Variants in CACNB2 observed in about 807,000 individuals in gnomAD.
CACNB2 encodes the protein voltage-dependent L-type calcium channel subunit beta-2.
CACNB2 carries 42 observed loss-of-function variants against 73.3 expected under a neutral mutation model. That is an observed-to-expected ratio of 0.57 (90% CI 0.45 to 0.74). The LOEUF (loss-of-function observed/expected upper bound fraction) is 0.74. Among genes scored for constraint, CACNB2 ranks in the 30% least tolerant of loss-of-function variants. The pLI, the probability that CACNB2 is intolerant of heterozygous loss-of-function variation, is 0.00. For synonymous variants in CACNB2, 348 were observed against 310.3 expected, an observed-to-expected ratio of 1.12 and a Z score of -1.28; for missense variants, 940 against 853.0, an observed-to-expected ratio of 1.10 and a Z score of -1.27.
intron 2 of CACNB2, among the ~76,000 whole-genome samples, chr10:18,270,981 C>T (rs1016054914): frequency 3.3e-5 from 5 of 152,038 alleles, no homozygotes; most frequent in South Asian, 2.1e-4. Context: ...TATAATATGT[C>T]GTTTTGGGGG....
intron 2 of CACNB2, among the ~76,000 whole-genome samples, chr10:18,331,474 G>C (rs1485756520): frequency 1.3e-5 from 2 of 148,576 alleles, no homozygotes; most frequent in African/African-American, 5.0e-5. Flanking sequence ...AAAAAAAAAG[G>C]ATGGGGGGGT....
chr10:18,514,189 T>G, intron 6 of CACNB2, 47 bp from the exon 7 acceptor site: 1 of 1,602,356 alleles, frequency 6.2e-7, no homozygotes, highest in Non-Finnish European at 8.6e-7. Flanking sequence ...CTTTATAACC[T>G]ATTTTTCCTC....
At chr10:18,381,313 T>C (rs2043006363) in intron 2 of CACNB2, among the ~76,000 whole-genome samples, 1 of 151,722 alleles carries the variant, frequency 6.6e-6, no homozygotes, top group Non-Finnish European at 1.5e-5. Flanking sequence ...ACATTACTGG[T>C]ATATAAATTG....
rs767806868 is a variant in CACNB2 at position 18,539,747 on chromosome 10, T to C, written c.*23T>C. ...TGAGTTTTGCCCGTTTGTGTTTTTT[T>C]TTTTTTTTTTTTGAAGTCTTGTATA... On this transcript the variant is annotated 3_prime_UTR_variant, in exon 14 of 14. Transcript: ENST00000324631. 4 of 1,584,034 alleles carry C rather than the reference T, an allele frequency of 2.5e-6. No individual in the cohort carries two copies. The highest frequency in any genetic ancestry group is 2.6e-6 in the Non-Finnish European group (3 of 1,170,814).
At chr10:18,478,599 G>T (rs188852832) in intron 3 of CACNB2, among the ~76,000 whole-genome samples, 18 of 152,222 alleles carry the variant, frequency 1.2e-4, no homozygotes, top group African/African-American at 4.3e-4. Context: ...TGGAGAAAAG[G>T]CATGCAAATG....
At chr10:18,186,280 G>A (rs986788891) in intron 2 of CACNB2, among the ~76,000 whole-genome samples, 2 of 151,964 alleles carry the variant, frequency 1.3e-5, no homozygotes, top group African/African-American at 2.4e-5. Context: ...TTAGCTGGGC[G>A]TGGTGGTGCA....
At chr10:18,424,928 C>T (rs1359903390) in intron 3 of CACNB2, among the ~76,000 whole-genome samples, 2 of 152,140 alleles carry the variant, frequency 1.3e-5, no homozygotes, top group African/African-American at 2.4e-5. Flanking sequence ...ATCCGTGTCT[C>T]CTGATGCATG....
intron 2 of CACNB2, among the ~76,000 whole-genome samples, chr10:18,303,939 G>A (rs553051230): frequency 2.0e-5 from 3 of 152,186 alleles, no homozygotes; most frequent in Admixed American, 6.5e-5. Flanking sequence ...TAGAAAAACC[G>A]CCAGTGTTTT....
chr10:18,419,329 G>T lies in CACNB2; in HGVS notation c.333+17286G>T, dbSNP rs180958679. On this transcript the variant is annotated intron_variant, in intron 3 of 13. Transcript: ENST00000324631. ...GTGCTGTATTCAGCATACTTGCATG[G>T]ATCCCTGACACTGTGGTGTATGTTA... Among the ~76,000 whole-genome samples the T allele has an allele frequency of 7.3e-5, 10 of 137,428 alleles. No individual in the cohort carries two copies. The East Asian group carries it at 2.2e-3, about 30-fold the overall frequency. 90.2% of individuals were successfully genotyped at this position (137,428 alleles called of 152,430 possible). A position where few individuals can be genotyped will look rare whatever the true frequency, so the allele number is the denominator to read the frequency against.
At chr10:18,363,483 G>A (rs1358837995) in intron 2 of CACNB2, among the ~76,000 whole-genome samples, 1 of 152,154 alleles carries the variant, frequency 6.6e-6, no homozygotes, top group Non-Finnish European at 1.5e-5. Flanking sequence ...TATTTGTTGT[G>A]CTGGTTATTT....
At chr10:18,522,148 T>G (rs892540534) in intron 9 of CACNB2, among the ~76,000 whole-genome samples, 19 of 152,218 alleles carry the variant, frequency 1.2e-4, no homozygotes, top group Middle Eastern at 3.4e-3. Context: ...GTCTAATGCC[T>G]GGTGTTCTTT....
chr10:18,403,346 G>A (rs537315666), intron 3 of CACNB2, among the ~76,000 whole-genome samples: 1 of 152,324 alleles, frequency 6.6e-6, no homozygotes, highest in Non-Finnish European at 1.5e-5. Flanking sequence ...AGTCTGCATT[G>A]TAGTTAATAT....
chr10:18,219,881 G>A (rs1019304199), intron 2 of CACNB2, among the ~76,000 whole-genome samples: 10 of 149,668 alleles, frequency 6.7e-5, no homozygotes, highest in Non-Finnish European at 1.0e-4. Context: ...GCAGTTCTCC[G>A]CCTCAAGCTT....
In CACNB2 at chr10:18,507,457, T is replaced by C. The variant is rs149988661; in HGVS notation, c.670+910T>C. Among the ~76,000 whole-genome samples, 311 of 152,362 alleles carry C rather than the reference T, an allele frequency of 2.0e-3. 2 individuals are homozygous for C. Among genetic ancestry groups the C allele is most frequent in the African/African-American group, 7.1e-3 (294 of 41,586 alleles). Reference sequence around the variant, plus strand: ...GAATTTCAGATAAACAATAATTTACTAGTTTAAGTACATATTGCATGGGGC... The same window carrying C: ...GAATTTCAGATAAACAATAATTTACCAGTTTAAGTACATATTGCATGGGGC... On this transcript the variant is annotated intron_variant, in intron 6 of 13. Transcript: ENST00000324631.
chr10:18,506,534 A>G lies in CACNB2; in HGVS notation c.657A>G (p.Thr219=). ...GDIVPSSRKS[T]PPSSAIDIDA... ...TAGTACCTAGTTCCAGAAAATCAAC[A>G]CCTCCATCATCTGGTAAGTAGGTGA... The change falls in exon 6 of 14, where the codon ACA becomes ACG. Residue 219 remains threonine (T), a synonymous_variant. Transcript: ENST00000324631. 6.3e-7 allele frequency: 1 copy of G among 1,596,982 alleles called. No individual in the cohort carries two copies. The highest frequency in any genetic ancestry group is 8.6e-7 in the Non-Finnish European group (1 of 1,164,614).
At chr10:18,385,170 G>A (rs2043172192) in intron 2 of CACNB2, among the ~76,000 whole-genome samples, 1 of 151,678 alleles carries the variant, frequency 6.6e-6, no homozygotes, top group Non-Finnish European at 1.5e-5. Context: ...GTAATCCCAG[G>A]TACTCGAGAG....
intron 3 of CACNB2, among the ~76,000 whole-genome samples, chr10:18,439,032 G>A (rs532406935): frequency 6.6e-6 from 1 of 152,330 alleles, no homozygotes; most frequent in East Asian, 1.9e-4. Flanking sequence ...ACCCTCTTCG[G>A]TGTAGTATTT....
At chr10:18,299,567 C>G (rs2039423747) in intron 2 of CACNB2, among the ~76,000 whole-genome samples, 1 of 152,234 alleles carries the variant, frequency 6.6e-6, no homozygotes, top group African/African-American at 2.4e-5. Flanking sequence ...AAAAATTAGC[C>G]AGGCATGGTG....
At chr10:18,419,192 G>C (rs904171606) in intron 3 of CACNB2, among the ~76,000 whole-genome samples, 1 of 152,182 alleles carries the variant, frequency 6.6e-6, no homozygotes, top group African/African-American at 2.4e-5. Flanking sequence ...TCCTCTGAGC[G>C]TACTGTGACT....
Sources: allele counts gnomAD v4.1 joint callset (sites outside exome capture counted in the v4.1 genomes callset), GRCh38; gene constraint gnomAD v4.1.1; transcripts MANE v1.5; gene names NCBI Gene and HGNC (gene_info 2026-07-23, HGNC 2026-07-21).